Variants in TTC23L observed in about 807,000 individuals in gnomAD.
TTC23L encodes the protein tetratricopeptide repeat domain 23 like.
TTC23L carries 42 observed loss-of-function variants against 48.1 expected under a neutral mutation model. That is an observed-to-expected ratio of 0.87 (90% CI 0.68 to 1.13). TTC23L has a LOEUF of 1.13. Among genes scored for constraint, TTC23L ranks in the 50% most tolerant of loss-of-function variants. The pLI, the probability that TTC23L is intolerant of heterozygous loss-of-function variation, is 0.00. For missense variants in TTC23L, 391 were observed against 421.0 expected, an observed-to-expected ratio of 0.93 and a Z score of 0.62; for synonymous variants, 159 against 157.2, an observed-to-expected ratio of 1.01 and a Z score of -0.09.
chr5:34,882,217 C>T (rs1762267091), intron 9 of TTC23L, among the ~76,000 whole-genome samples: 1 of 152,160 alleles, frequency 6.6e-6, no homozygotes, highest in Admixed American at 6.5e-5. Flanking sequence ...GTACCACCAC[C>T]AGTACCAATG....
At chr5:34,890,276 C>T (rs535346061) in intron 9 of TTC23L, among the ~76,000 whole-genome samples, 5 of 151,284 alleles carry the variant, frequency 3.3e-5, no homozygotes, top group African/African-American at 9.7e-5. Flanking sequence ...GAAGCGCCAT[C>T]GCTACAAAAA....
At chr5:34,908,801 G>A in the TTC23L span, 2 of 1,609,958 alleles carry the variant, frequency 1.2e-6, no homozygotes, top group Non-Finnish European at 1.7e-6. Context: ...CATCAGGGCA[G>A]CAGTAATATT....
At chr5:34,913,473 G>A in the TTC23L span, 10 of 1,541,702 alleles carry the variant, frequency 6.5e-6, no homozygotes, top group East Asian at 1.8e-4. Flanking sequence ...AGTTTACCTG[G>A]CATAGGACTT....
the TTC23L span, chr5:34,918,163 A>C: frequency 2.9e-6 from 1 of 348,730 alleles, no homozygotes; most frequent in Non-Finnish European, 5.2e-6. Context: ...AAAAAAAACT[A>C]GCTGGACATG....
intron 8 of TTC23L, among the ~76,000 whole-genome samples, chr5:34,877,922 ATTAG>A: frequency 6.6e-6 from 1 of 152,372 alleles, no homozygotes; most frequent in East Asian, 1.9e-4. Flanking sequence ...ACATCGTCTG[ATTAG>A]AAAATTTGAA....
chr5:34,840,601 G>A lies in TTC23L; in HGVS notation c.-7-64G>A, dbSNP rs1473571791. The stretch of plus-strand genomic sequence containing the variant: ...AGTTTAATGTTAATAGCAAACCAGA[G>A]GGGGAAAATAGAACAGACACCCAGC... On this transcript the variant is annotated intron_variant, in intron 1 of 10. Transcript: ENST00000505624. The A allele has an allele frequency of 7.8e-6, 11 of 1,409,170 alleles. No individual in the cohort carries two copies. In the Admixed American group the frequency reaches 1.8e-4, roughly 24 times the overall value. 87.3% of individuals were successfully genotyped at this position (1,409,170 alleles called of 1,614,324 possible).
At chr5:34,916,028 A>C in the TTC23L span, 1 of 1,087,036 alleles carries the variant, frequency 9.2e-7, no homozygotes, top group Non-Finnish European at 1.3e-6. Context: ...GGTTTTAGCA[A>C]TTCTCCCGGC....
intron 9 of TTC23L, among the ~76,000 whole-genome samples, chr5:34,893,629 A>G (rs1178571411): frequency 6.6e-6 from 1 of 152,228 alleles, no homozygotes; most frequent in African/African-American, 2.4e-5. Context: ...GAAAATGCAC[A>G]GAAATAGAGC....
chr5:34,887,328 A>T (rs1364486190), intron 9 of TTC23L, among the ~76,000 whole-genome samples: 1 of 152,212 alleles, frequency 6.6e-6, no homozygotes, highest in East Asian at 1.9e-4. Context: ...AAGGAGAGAA[A>T]ACTTTGAAAT....
At chr5:34,878,330 T>C (rs1443059137) in intron 8 of TTC23L, among the ~76,000 whole-genome samples, 1 of 151,924 alleles carries the variant, frequency 6.6e-6, no homozygotes, top group Non-Finnish European at 1.5e-5. Flanking sequence ...GTGAGACCCA[T>C]CTCAAAAAGA....
intron 9 of TTC23L, among the ~76,000 whole-genome samples, chr5:34,896,444 T>A (rs1356011772): frequency 6.6e-6 from 1 of 152,184 alleles, no homozygotes; most frequent in Non-Finnish European, 1.5e-5. Flanking sequence ...AGGCACCTTG[T>A]GTGTGAATCC....
intron 8 of TTC23L, among the ~76,000 whole-genome samples, chr5:34,878,777 A>T (rs1331643165): frequency 6.6e-6 from 1 of 152,228 alleles, no homozygotes; most frequent in Non-Finnish European, 1.5e-5. Context: ...TATGGAAAAC[A>T]GTACGGAGAT....
chr5:34,867,009 A>C, exon 7 of TTC23L: 1 of 1,612,214 alleles, frequency 6.2e-7, no homozygotes, highest in South Asian at 1.1e-5. Flanking sequence ...TGTACGAGGA[A>C]GCTGCTCAGA....
rs527775633 is a variant in TTC23L at position 34,855,536 on chromosome 5, AC to A, written c.379+5231del. 1.4e-4 allele frequency among the ~76,000 whole-genome samples: 21 copies of A among 152,274 alleles called. No individual in the cohort carries two copies. In the East Asian group the frequency reaches 3.9e-3, roughly 28 times the overall value. ...AGATACACTTATTTTTAAACCAGAA[AC>A]CCACTTCTGGGAATCTTTCCTAAAT... On this transcript the variant is annotated intron_variant, in intron 4 of 10. Transcript: ENST00000505624.
chr5:34,880,627 G>A (rs1762164242), intron 9 of TTC23L: 1 of 431,194 alleles, frequency 2.3e-6, no homozygotes, highest in Non-Finnish European at 4.5e-6. Context: ...TGCTTCTAAC[G>A]GTTCCCTCTC....
At chr5:34,898,326 A>G (rs1405245117) in intron 10 of TTC23L, among the ~76,000 whole-genome samples, 1 of 152,232 alleles carries the variant, frequency 6.6e-6, no homozygotes, top group East Asian at 1.9e-4. Flanking sequence ...CGAAAAAGAT[A>G]TAGACTTATC....
At chr5:34,857,417 G>A (rs1396246630) in intron 4 of TTC23L, among the ~76,000 whole-genome samples, 1 of 152,140 alleles carries the variant, frequency 6.6e-6, no homozygotes, top group East Asian at 1.9e-4. Flanking sequence ...CCTAAGTCAT[G>A]CTTTCTTTGT....
chr5:34,925,271 A>G, the TTC23L span: 9 of 1,612,926 alleles, frequency 5.6e-6, no homozygotes, highest in East Asian at 2.0e-4. Flanking sequence ...ATACAGAGAG[A>G]AACAGCAAGT....
At chr5:34,914,665 G>A in the TTC23L span, 15 of 1,605,516 alleles carry the variant, frequency 9.3e-6, no homozygotes, top group African/African-American at 1.3e-5. Flanking sequence ...AGTATCTATG[G>A]CACAGGCTTA....
Sources: allele counts gnomAD v4.1 joint callset (sites outside exome capture counted in the v4.1 genomes callset), GRCh38; gene constraint gnomAD v4.1.1; transcripts MANE v1.5; gene names NCBI Gene and HGNC (gene_info 2026-07-23, HGNC 2026-07-21).